DNAL1: variants seen among roughly 807,000 people sequenced by gnomAD.
DNAL1 encodes dynein axonemal light chain 1, also known as chromosome 14 open reading frame 168.
DNAL1 carries 17 observed loss-of-function variants against 29.4 expected under a neutral mutation model. That is an observed-to-expected ratio of 0.58 (90% confidence interval 0.40 to 0.87). The LOEUF (loss-of-function observed/expected upper bound fraction) is 0.87. Among genes scored for constraint, DNAL1 ranks in the 40% least tolerant of loss-of-function variants. DNAL1 has a pLI of 0.00. For missense variants in DNAL1, 188 were observed against 214.1 expected, an observed-to-expected ratio of 0.88 and a Z score of 0.76; for synonymous variants, 78 against 76.3, an observed-to-expected ratio of 1.02 and a Z score of -0.12.
intron 4 of DNAL1, among the ~76,000 whole-genome samples, chr14:73,666,535 C>A (rs995922632): frequency 1.3e-5 from 2 of 151,832 alleles, no homozygotes; most frequent in African/African-American, 4.8e-5. Context: ...CTAGTGGTAC[C>A]CTACTTATGC....
intron 6 of DNAL1, among the ~76,000 whole-genome samples, chr14:73,688,430 C>G (rs1416624497): frequency 6.6e-6 from 1 of 152,034 alleles, no homozygotes; most frequent in African/African-American, 2.4e-5. Context: ...GCCAACATAG[C>G]AAAACCCAAA....
chr14:73,649,687 T>A (rs891532172), intron 1 of DNAL1, among the ~76,000 whole-genome samples: 26 of 152,166 alleles, frequency 1.7e-4, no homozygotes, highest in Non-Finnish European at 1.3e-4. Flanking sequence ...TTACATACAT[T>A]CTGATACCCT....
chr14:73,675,469 A>T (rs75292600), intron 5 of DNAL1, among the ~76,000 whole-genome samples: 1 of 149,606 alleles, frequency 6.7e-6, no homozygotes, highest in African/African-American at 2.5e-5. Context: ...CCAGCTAATT[A>T]AAAAAAAAAT....
chr14:73,683,822 C>A lies in DNAL1; in HGVS notation c.265-3437C>A, dbSNP rs1201167145. On this transcript the variant is annotated intron_variant, in intron 5 of 7. Coordinates refer to ENST00000553645, the MANE Select transcript of DNAL1 (RefSeq NM_031427.4). The stretch of plus-strand genomic sequence containing the variant: ...TTCCAGGTTCAAGCGATTCTCTTGC[C>A]TCTTCCTCCCAGGTAGCTGGGATTA... Among the ~76,000 whole-genome samples, 8 of 152,136 alleles carry A rather than the reference C, an allele frequency of 5.3e-5. No individual in the cohort carries two copies. In the East Asian group the frequency reaches 1.5e-3, roughly 29 times the overall value.
intron 1 of DNAL1, 51 bp from the exon 2 acceptor site, chr14:73,654,792 TCATA>T (rs1411088125): frequency 2.2e-5 from 31 of 1,427,406 alleles, no homozygotes; most frequent in East Asian, 5.0e-5. Flanking sequence ...ATACATACAT[TCATA>T]CATACATACA....
intron 5 of DNAL1, among the ~76,000 whole-genome samples, chr14:73,672,476 C>T (rs1281349252): frequency 1.3e-5 from 2 of 151,298 alleles, no homozygotes; most frequent in Non-Finnish European, 2.9e-5. Context: ...GGTGTGGTGG[C>T]GGGCGCCTGT....
intron 4 of DNAL1, among the ~76,000 whole-genome samples, chr14:73,664,494 G>T (rs1891430051): frequency 6.6e-6 from 1 of 152,058 alleles, no homozygotes; most frequent in Admixed American, 6.6e-5. Context: ...TTTTAAAAAT[G>T]ACTTTGTAGC....
Position 73,675,334 on chromosome 14 carries a change from A to G in DNAL1, c.264+3737A>G, listed in dbSNP as rs547963298. 8.0e-4 allele frequency among the ~76,000 whole-genome samples: 120 copies of G among 150,778 alleles called. 1 individual carries two copies. Among genetic ancestry groups the G allele is most frequent in the African/African-American group, 2.9e-3 (118 of 41,054 alleles). ...AGTGGCATGATTACAGCTCACTGTA[A>G]TCTCGGACTAGTATAGTTTACTATA... On this transcript the variant is annotated intron_variant, in intron 5 of 7. Transcript: ENST00000553645.
intron 3 of DNAL1, among the ~76,000 whole-genome samples, chr14:73,659,286 C>T (rs1273208365): frequency 6.6e-6 from 1 of 151,702 alleles, no homozygotes; most frequent in Non-Finnish European, 1.5e-5. Flanking sequence ...CTCAGCCTCC[C>T]GGGTAGCTGA....
At chr14:73,674,682 C>T (rs1446620202) in intron 5 of DNAL1, among the ~76,000 whole-genome samples, 1 of 152,096 alleles carries the variant, frequency 6.6e-6, no homozygotes, top group East Asian at 1.9e-4. Flanking sequence ...GCTGGGGCCA[C>T]AGGTGTGTGC....
intron 1 of DNAL1, among the ~76,000 whole-genome samples, chr14:73,653,575 A>G (rs1309099891): frequency 6.6e-6 from 1 of 151,898 alleles, no homozygotes; most frequent in East Asian, 1.9e-4. Context: ...CCAGGCTGGT[A>G]TTGAACTCCT....
rs1413552161 is a variant in DNAL1, at chr14:73,702,218, G to C, written c.*6276G>C. The C allele has an allele frequency of 6.6e-6, 1 of 152,124 alleles. No homozygotes were observed. The highest frequency in any genetic ancestry group is 2.4e-5 in the African/African-American group (1 of 41,396). The allele number at this position is 152,124 out of a possible 1,614,324, so 9.4% of individuals were successfully genotyped here. A position where few individuals can be genotyped will look rare whatever the true frequency, so the allele number is the denominator to read the frequency against. ...TGCACTGGCACAATCTCGGCTTACT[G>C]CAACCTCCACCTCCCGTGTTCAAGC... On this transcript the variant is annotated 3_prime_UTR_variant, in exon 8 of 8. Coordinates refer to ENST00000553645, the MANE Select transcript of DNAL1 (RefSeq NM_031427.4).
At chr14:73,673,882 A>G (rs1426023709) in intron 5 of DNAL1, among the ~76,000 whole-genome samples, 6 of 22,586 alleles carry the variant, frequency 2.7e-4, no homozygotes, top group Non-Finnish European at 4.5e-4. Context: ...TGGGTGACAG[A>G]GGGGAAAAAA....
intron 2 of DNAL1, 147 bp downstream of exon 2, chr14:73,655,032 A>T: frequency 1.3e-6 from 1 of 787,028 alleles, no homozygotes; most frequent in Non-Finnish European, 2.0e-6. Flanking sequence ...GCATGAACTT[A>T]CACATATGAT....
In DNAL1 at chr14:73,677,681, T is replaced by C. The variant is rs1254460665; in HGVS notation, c.264+6084T>C. On this transcript the variant is annotated intron_variant, in intron 5 of 7. Transcript: ENST00000553645. ...CCGCCATTCTCCTGCCTCAGCCTCC[T>C]GAGTAGCTGGGACTACAGGCGCCCG... 6.0e-5 allele frequency among the ~76,000 whole-genome samples: 9 copies of C among 149,128 alleles called. No individual in the cohort carries two copies. In the East Asian group the frequency reaches 1.8e-3, roughly 30 times the overall value.
chr14:73,668,295 C>T (rs1206052049), intron 4 of DNAL1, among the ~76,000 whole-genome samples: 3 of 152,096 alleles, frequency 2.0e-5, no homozygotes, highest in Admixed American at 1.3e-4. Context: ...GTATTATTTG[C>T]TGTAATATTG....
chr14:73,682,337 ATTTTTT>A (rs57403758), intron 5 of DNAL1, among the ~76,000 whole-genome samples: 3 of 93,416 alleles, frequency 3.2e-5, no homozygotes, highest in Non-Finnish European at 4.1e-5. Flanking sequence ...TGCCTGGCTA[ATTTTTT>A]TTTTTTTTTT....
In DNAL1 at chr14:73,667,166, T is replaced by A. The variant is rs114313605; in HGVS notation, c.209-4376T>A. ...AAATTGATTTTTTCTTTTTTTTTTT[T>A]AATTTAATTTTATGGCTGGGGACGG... On this transcript the variant is annotated intron_variant, in intron 4 of 7. Coordinates refer to ENST00000553645, the MANE Select transcript of DNAL1 (RefSeq NM_031427.4). Among the ~76,000 whole-genome samples, 1,225 of 151,678 alleles carry A rather than the reference T, an allele frequency of 8.1e-3. 22 individuals are homozygous for A. Among genetic ancestry groups the A allele is most frequent in the African/African-American group, 0.028 (1,158 of 41,268 alleles).
chr14:73,679,833 A>G (rs1891835121), intron 5 of DNAL1, among the ~76,000 whole-genome samples: 1 of 150,738 alleles, frequency 6.6e-6, no homozygotes, highest in Admixed American at 6.6e-5. Context: ...CTCTTAATTC[A>G]TCTGGAGTTT....
Sources: gnomAD v4.1 joint callset for allele counts (sites outside exome capture counted in the v4.1 genomes callset) on GRCh38, gnomAD v4.1.1 for gene constraint, MANE v1.5 for transcripts, NCBI Gene and HGNC (gene_info 2026-07-23, HGNC 2026-07-21) for gene names.